Variants in TENM3 observed in about 807,000 individuals in gnomAD.
TENM3 encodes teneurin transmembrane protein 3.
TENM3 carries 63 observed loss-of-function variants against 255.1 expected under a neutral mutation model. The ratio of observed to expected loss-of-function variants is 0.25; its 90% CI spans 0.20 to 0.30. The LOEUF is 0.30. Among genes scored for constraint, TENM3 ranks in the 10% least tolerant of loss-of-function variants. TENM3 has a pLI of 1.00. For missense variants in TENM3, 2,929 were observed against 3,461.1 expected (o/e 0.85, Z 3.86); for synonymous variants, 1,306 against 1,322.3 (o/e 0.99, Z 0.27).
chr4:181,988,447 C>T, the TENM3 span, among the ~76,000 whole-genome samples: 3 of 152,220 alleles, frequency 2.0e-5, no homozygotes, highest in South Asian at 6.2e-4. Flanking sequence ...TCCTTGCCTA[C>T]TGCCATCTAC....
At chr4:182,665,297 G>A (rs746714724) in intron 6 of TENM3, among the ~76,000 whole-genome samples, 2 of 152,156 alleles carry the variant, frequency 1.3e-5, no homozygotes, top group Non-Finnish European at 2.9e-5. Context: ...TTACAACGTG[G>A]CTACTAAATA....
intron 3 of TENM3, among the ~76,000 whole-genome samples, chr4:182,570,092 A>G (rs1744208821): frequency 6.6e-6 from 1 of 152,212 alleles, no homozygotes; most frequent in South Asian, 2.1e-4. Context: ...GCATAGAGAT[A>G]AGCTATTGCC....
At chr4:182,234,537 A>G (rs900879803) in intron 1 of TENM3, among the ~76,000 whole-genome samples, 3 of 152,204 alleles carry the variant, frequency 2.0e-5, no homozygotes, top group African/African-American at 2.4e-5. Context: ...GTTCAAGACC[A>G]GCTTGACCTA....
intron 1 of TENM3, among the ~76,000 whole-genome samples, chr4:182,246,962 T>TC (rs1361402853): frequency 6.6e-6 from 1 of 152,158 alleles, no homozygotes; most frequent in African/African-American, 2.4e-5. Context: ...GAGGGATGCC[T>TC]CTCTGCGGAG....
chr4:182,023,144 G>C, the TENM3 span, among the ~76,000 whole-genome samples: 6 of 152,164 alleles, frequency 3.9e-5, no homozygotes, highest in African/African-American at 1.4e-4. Flanking sequence ...GTTAGAGCAT[G>C]GCATGAACGT....
the TENM3 span, among the ~76,000 whole-genome samples, chr4:181,657,245 A>G: frequency 6.6e-6 from 1 of 152,354 alleles, no homozygotes; most frequent in East Asian, 1.9e-4. Flanking sequence ...GAAACACCAT[A>G]GCAATACTTT....
chr4:181,758,069 A>G, the TENM3 span, among the ~76,000 whole-genome samples: 1 of 152,192 alleles, frequency 6.6e-6, no homozygotes, highest in Non-Finnish European at 1.5e-5. Flanking sequence ...TGTGTGGGGA[A>G]CAATGACAAA....
chr4:181,762,695 A>G, the TENM3 span, among the ~76,000 whole-genome samples: 1 of 152,170 alleles, frequency 6.6e-6, no homozygotes, highest in Non-Finnish European at 1.5e-5. Context: ...TTACTGCAAA[A>G]TGATCAACAT....
chr4:181,593,128 A>C, the TENM3 span, among the ~76,000 whole-genome samples: 2 of 152,204 alleles, frequency 1.3e-5, no homozygotes, highest in Non-Finnish European at 2.9e-5. Context: ...ATTTCCAGTT[A>C]TGCCACAATC....
chr4:182,653,626 T>C (rs769780615), intron 5 of TENM3, 145 bp from the exon 6 acceptor site: 163 of 884,976 alleles, frequency 1.8e-4, no homozygotes, highest in Non-Finnish European at 2.6e-4. Flanking sequence ...CTTTGTTTTA[T>C]AATTTTCATT....
At chr4:181,612,402 G>A in the TENM3 span, among the ~76,000 whole-genome samples, 26 of 152,086 alleles carry the variant, frequency 1.7e-4, no homozygotes, top group Admixed American at 1.2e-3. Flanking sequence ...ATCAAATGAG[G>A]TACAGAACAT....
the TENM3 span, among the ~76,000 whole-genome samples, chr4:181,629,503 T>C: frequency 6.6e-6 from 1 of 152,220 alleles, no homozygotes; most frequent in African/African-American, 2.4e-5. Context: ...TATTTTGAGA[T>C]ACGTCCATCA....
the TENM3 span, among the ~76,000 whole-genome samples, chr4:181,725,079 G>A: frequency 2.4e-4 from 36 of 152,158 alleles, no homozygotes; most frequent in Non-Finnish European, 4.0e-4. Flanking sequence ...TAAACCTCTA[G>A]ACTCAGGCTA....
intron 12 of TENM3, among the ~76,000 whole-genome samples, chr4:182,692,066 A>G (rs926143728): frequency 3.3e-5 from 5 of 152,238 alleles, no homozygotes; most frequent in Non-Finnish European, 2.9e-5. Context: ...TGTTTTTTAA[A>G]TAATAGTTGA....
chr4:181,919,327 T>C, the TENM3 span, among the ~76,000 whole-genome samples: 1 of 150,644 alleles, frequency 6.6e-6, no homozygotes, highest in Non-Finnish European at 1.5e-5. Context: ...GAGCTGGGAG[T>C]GAGCTATACA....
At chr4:181,488,181 T>C in the TENM3 span, among the ~76,000 whole-genome samples, 1 of 152,194 alleles carries the variant, frequency 6.6e-6, no homozygotes, top group Non-Finnish European at 1.5e-5. Context: ...GAATAAAAGA[T>C]ACTCACCTTG....
At chr4:181,680,391 CA>C in the TENM3 span, among the ~76,000 whole-genome samples, 1 of 151,876 alleles carries the variant, frequency 6.6e-6, no homozygotes, top group African/African-American at 2.4e-5. Flanking sequence ...TTTAATTTGT[CA>C]AAAAAATTGT....
the TENM3 span, among the ~76,000 whole-genome samples, chr4:182,097,257 C>T: frequency 6.6e-6 from 1 of 152,144 alleles, no homozygotes; most frequent in Admixed American, 6.5e-5. Context: ...AGGGAAGCTT[C>T]TCCTTTTACT....
At chr4:182,312,216 C>A (rs1580119700) in intron 1 of TENM3, among the ~76,000 whole-genome samples, 1 of 152,124 alleles carries the variant, frequency 6.6e-6, no homozygotes, top group Non-Finnish European at 1.5e-5. Context: ...AGGTTATTGG[C>A]TTGGTGTGGT....
Sources: allele counts gnomAD v4.1 joint callset (sites outside exome capture counted in the v4.1 genomes callset), GRCh38; gene constraint gnomAD v4.1.1; transcripts MANE v1.5; gene names NCBI Gene and HGNC (gene_info 2026-07-23, HGNC 2026-07-21).